TCERG1: variants seen among roughly 807,000 people sequenced by gnomAD.
The protein encoded by TCERG1 is transcription elongation regulator 1, also known as TATA box binding protein (TBP)-associated factor, RNA polymerase II, S, 150kD.
A neutral mutation model predicts 144.7 loss-of-function variants in TCERG1; 37 were observed. The observed-to-expected ratio is 0.26, with a 90% confidence interval of 0.20 to 0.34. The LOEUF is 0.34. TCERG1 is among the 10% of genes least tolerant of loss of function. TCERG1 has a pLI of 1.00. For missense variants in TCERG1, 1,027 were observed against 1,380.7 expected, an observed-to-expected ratio of 0.74 and a Z score of 4.06; for synonymous variants, 492 against 458.2, an observed-to-expected ratio of 1.07 and a Z score of -0.94.
chr5:146,462,179 A>T (rs1393695970), intron 4 of TCERG1: 1 of 152,644 alleles, frequency 6.6e-6, no homozygotes, highest in African/African-American at 2.4e-5. Flanking sequence ...CTAGAAAAAG[A>T]TACTGACAGA....
chr5:146,487,087 C>A (rs1221640696), intron 15 of TCERG1, among the ~76,000 whole-genome samples: 1 of 149,590 alleles, frequency 6.7e-6, no homozygotes, highest in East Asian at 1.9e-4. Context: ...GACTCTGTCT[C>A]AAAAAAAAAG....
In TCERG1 at chr5:146,447,350, A is replaced by ATGGCGGAGCG; in HGVS notation, c.8_17dup (p.Asp7_?6). The ATGGCGGAGCG allele has an allele frequency of 6.2e-7, 1 of 1,612,074 alleles. No homozygotes were observed. The highest frequency in any genetic ancestry group is 8.5e-7 in the Non-Finnish European group (1 of 1,179,220). On this transcript the variant is annotated frameshift_variant and start_lost, in exon 1 of 23. Coordinates refer to ENST00000679501, the MANE Select transcript of TCERG1 (RefSeq NM_001382548.1). LOFTEE classifies it high-confidence loss of function. ...GGGTGGATGAACGCGGCCCTCTGTA[A>ATGGCGGAGCG]TGGCGGAGCGTGGCGGGGACGGGGG... is the stretch of plus-strand genomic sequence containing the variant.
intron 15 of TCERG1, among the ~76,000 whole-genome samples, chr5:146,492,150 C>A (rs1766488106): frequency 6.6e-6 from 1 of 152,142 alleles, no homozygotes; most frequent in African/African-American, 2.4e-5. Context: ...CCTTAAAATA[C>A]TACTTATTTT....
chr5:146,507,201 T>C lies in TCERG1; in HGVS notation c.2955T>C (p.Thr985=), dbSNP rs746281999. Residue 985 remains threonine, a synonymous_variant, in exon 20 of 23, where the codon ACT becomes ACC. Coordinates refer to ENST00000679501, the MANE Select transcript of TCERG1 (RefSeq NM_001382548.1). This position sits in a 1 kb window ranked among gnomAD's most constrained non-coding sequence, Gnocchi z 4.6. The part of the protein sequence containing the change: ...REHFRQLLDE[T]SAITLTSTWK... Reference sequence around the variant, plus strand: ...ACTTTAGGCAACTTCTGGATGAAACTTCTGCAGTAAGAATCTCTTATTTTT... The same window carrying C: ...ACTTTAGGCAACTTCTGGATGAAACCTCTGCAGTAAGAATCTCTTATTTTT... 9.5e-6 allele frequency: 15 copies of C among 1,583,470 alleles called. No individual in the cohort carries two copies. In the Admixed American group the frequency reaches 2.8e-4, roughly 30 times the overall value.
Position 146,469,597 on chromosome 5 carries a change from G to A in TCERG1, c.1252G>A (p.Ala418Thr), listed in dbSNP as rs1382577691. Residue 418 changes from alanine to threonine, a missense_variant, in exon 7 of 23, where the codon GCT becomes ACT. By Grantham distance (58) the Ala-to-Thr change is moderately conservative. This residue lies in a region of TCERG1 where 482 missense variants were observed against 632.6 expected (regional missense o/e 0.76). Coordinates refer to ENST00000679501, the MANE Select transcript of TCERG1 (RefSeq NM_001382548.1). ...CGTACCCATGATACATCCCCAGGTT[G>A]CTATTGCAGCTTCACCTGCTACCTT... Reference protein sequence around the residue: ...PIVPMIHPQVAIAASPATLAG... With the variant: ...PIVPMIHPQVTIAASPATLAG... 2 of 1,613,108 alleles carry A rather than the reference G, an allele frequency of 1.2e-6. No homozygotes were observed. Among genetic ancestry groups the A allele is most frequent in the Non-Finnish European group, 8.5e-7 (1 of 1,179,468 alleles).
intron 15 of TCERG1, among the ~76,000 whole-genome samples, chr5:146,485,269 TC>T (rs1455968369): frequency 1.3e-5 from 2 of 152,222 alleles, no homozygotes; most frequent in Non-Finnish European, 2.9e-5. Context: ...CCCAGTGCCT[TC>T]TAATCAATCT....
rs747155353 is a variant in TCERG1 at position 146,459,024 on chromosome 5, C to T, written c.579C>T (p.Ala193=). 1.1e-5 allele frequency: 18 copies of T among 1,613,204 alleles called. No individual in the cohort carries two copies. The Admixed American group carries it at 2.8e-4, about 25-fold the overall frequency. Reference sequence around the variant, plus strand: ...CTCAGGCCCAGGCGCAGGCTCAGGCCCAGGCGCAGGCTCAGGCCCAGGCAC... The same window carrying T: ...CTCAGGCCCAGGCGCAGGCTCAGGCTCAGGCGCAGGCTCAGGCCCAGGCAC... The part of the protein sequence containing the change: ...VQAQAQAQAQ[A]QAQAQAQAQA... The change falls in exon 4 of 23, where the codon GCC becomes GCT. Residue 193 remains alanine (A), a synonymous_variant. Transcript: ENST00000679501.
intron 1 of TCERG1, among the ~76,000 whole-genome samples, chr5:146,447,775 G>C (rs1205311252): frequency 1.3e-5 from 2 of 152,234 alleles, no homozygotes; most frequent in African/African-American, 4.8e-5. Context: ...TCCGCTGCGG[G>C]CCTGATTTTC....
intron 5 of TCERG1, among the ~76,000 whole-genome samples, chr5:146,466,060 A>C (rs1003663285): frequency 1.3e-5 from 2 of 150,666 alleles, no homozygotes; most frequent in African/African-American, 4.9e-5. Flanking sequence ...ATCAAATATT[A>C]GTTTGTTTAT....
chr5:146,491,766 T>C (rs7704580), intron 15 of TCERG1, among the ~76,000 whole-genome samples: 1 of 152,010 alleles, frequency 6.6e-6, no homozygotes, highest in East Asian at 1.9e-4. Flanking sequence ...AAGAGTCAGA[T>C]AATTTGTATT....
chr5:146,494,146 A>G (rs1019179404), intron 16 of TCERG1, among the ~76,000 whole-genome samples: 1 of 151,848 alleles, frequency 6.6e-6, no homozygotes, highest in African/African-American at 2.4e-5. Context: ...AAAGAGTGAG[A>G]TCATGAGTCA....
Position 146,507,013 on chromosome 5 carries a change from A to AT in TCERG1, c.2782-9dup. 1 of 1,550,736 alleles carries AT rather than the reference A, an allele frequency of 6.4e-7. No individual in the cohort carries two copies. Among genetic ancestry groups the AT allele is most frequent in the Non-Finnish European group, 8.7e-7 (1 of 1,154,886 alleles). ...AAGTCTCTTTGGTGATATATATATA[A>AT]TTTTTTCTCTTCAGGTACGTTCTTC... On this transcript the variant is annotated splice_polypyrimidine_tract_variant and intron_variant, in intron 19 of 22. Coordinates refer to ENST00000679501, the MANE Select transcript of TCERG1 (RefSeq NM_001382548.1). The surrounding 1 kb of genome is among the most constrained non-coding windows in gnomAD (Gnocchi z 4.6).
At chr5:146,467,928 G>T (rs76532026) in intron 5 of TCERG1, among the ~76,000 whole-genome samples, 1 of 152,130 alleles carries the variant, frequency 6.6e-6, no homozygotes, top group African/African-American at 2.4e-5. Context: ...CAACTTAGCG[G>T]CAGCATAGAG....
intron 1 of TCERG1, among the ~76,000 whole-genome samples, chr5:146,448,662 GATTC>G (rs1762105181): frequency 1.3e-5 from 2 of 152,186 alleles, no homozygotes; most frequent in Non-Finnish European, 2.9e-5. Context: ...ATGCCTTTCA[GATTC>G]TGTATGGTCG....
intron 4 of TCERG1, among the ~76,000 whole-genome samples, chr5:146,459,973 A>G (rs1763196231): frequency 6.6e-6 from 1 of 152,228 alleles, no homozygotes; most frequent in African/African-American, 2.4e-5. Flanking sequence ...TAGGTGAGAC[A>G]GGCACTGGGG....
At chr5:146,471,748 G>A (rs1367657055) in intron 9 of TCERG1, among the ~76,000 whole-genome samples, 172 bp downstream of exon 9, 2 of 151,980 alleles carry the variant, frequency 1.3e-5, no homozygotes, top group African/African-American at 2.4e-5. Context: ...ACAGGCACAC[G>A]CCACCATGCC....
intron 1 of TCERG1, among the ~76,000 whole-genome samples, chr5:146,449,651 A>G (rs1762188493): frequency 6.6e-6 from 1 of 152,096 alleles, no homozygotes; most frequent in Non-Finnish European, 1.5e-5. Flanking sequence ...AAAATACCTT[A>G]TGTTTGTATT....
intron 15 of TCERG1, among the ~76,000 whole-genome samples, chr5:146,484,372 T>C (rs1765637795): frequency 6.6e-6 from 1 of 152,184 alleles, no homozygotes; most frequent in Non-Finnish European, 1.5e-5. Context: ...TGAACTATCC[T>C]GACACTGATC....
At chr5:146,458,825 T>C in intron 3 of TCERG1, 59 bp from the exon 4 acceptor site, 3 of 1,542,908 alleles carry the variant, frequency 1.9e-6, no homozygotes, top group Non-Finnish European at 2.6e-6. Context: ...GGTTCCATTC[T>C]TGTTTTTAAT....
Sources: gnomAD v4.1 joint callset for allele counts (sites outside exome capture counted in the v4.1 genomes callset) on GRCh38, gnomAD v4.1.1 for gene constraint, gnomAD v4.1.1 regional missense constraint, Gnocchi (gnomAD v3.1) non-coding constraint, MANE v1.5 for transcripts, NCBI Gene and HGNC (gene_info 2026-07-23, HGNC 2026-07-21) for gene names.